TYW1B: variants seen among roughly 807,000 people sequenced by gnomAD.
TYW1B encodes the protein S-adenosyl-L-methionine-dependent tRNA 4-demethylwyosine synthase TYW1B.
TYW1B carries 73 observed loss-of-function variants against 86.9 expected under a neutral mutation model. The ratio of observed to expected loss-of-function variants is 0.84; its 90% CI spans 0.70 to 1.02. The LOEUF (loss-of-function observed/expected upper bound fraction) is 1.02. TYW1B is among the 50% of genes least tolerant of loss of function. The pLI is 0.00. For synonymous variants in TYW1B, 248 were observed against 292.8 expected (o/e 0.85, Z 1.56); for missense variants, 637 against 827.4 (o/e 0.77, Z 2.82).
chr7:72,755,205 T>C (rs1787565333), intron 7 of TYW1B, among the ~76,000 whole-genome samples: 1 of 151,886 alleles, frequency 6.6e-6, no homozygotes, highest in South Asian at 2.1e-4. Context: ...ATCACTTGAG[T>C]GCAGGAGTTC....
At position 72,807,390 on chromosome 7, in the gene TYW1B, G is replaced by T. The variant is rs782490617; in HGVS notation, c.433-34C>A. 9.4e-6 allele frequency: 15 copies of T among 1,591,042 alleles called. 1 individual carries two copies. The South Asian group carries it at 1.6e-4, about 17-fold the overall frequency. ...AAAAGATAGATAGGCTAAAAGCACG[G>T]TTCTCTAAATCAGGGTTTTCCAGAC... On this transcript the variant is annotated intron_variant, in intron 4 of 13. Coordinates refer to ENST00000620995, the MANE Select transcript of TYW1B (RefSeq NM_001145440.3).
intron 13 of TYW1B, among the ~76,000 whole-genome samples, chr7:72,590,053 C>T (rs1554431142): frequency 6.6e-6 from 1 of 152,168 alleles, no homozygotes; most frequent in African/African-American, 2.4e-5. Flanking sequence ...TGGGAAGATG[C>T]TGGAGTAGAA....
chr7:72,750,733 T>A lies in TYW1B; in HGVS notation c.965-6132A>T, dbSNP rs113003344. Among the ~76,000 whole-genome samples, 601 of 152,290 alleles carry A rather than the reference T, an allele frequency of 3.9e-3. 2 individuals are homozygous for A. The highest frequency in any genetic ancestry group is 0.014 in the African/African-American group (566 of 41,564). On this transcript the variant is annotated intron_variant, in intron 7 of 13. Transcript: ENST00000620995. ...TGGATCTCTTACCACAAATTAAGCATCCCTTATCCAAAATGCTTGGGACCA... is the reference window on the plus strand; with the variant it reads ...TGGATCTCTTACCACAAATTAAGCAACCCTTATCCAAAATGCTTGGGACCA...
Position 72,594,279 on chromosome 7 carries a change from A to G in TYW1B, c.1786-18560T>C, listed in dbSNP as rs57275594. Reference sequence around the variant, plus strand: ...AAACCTTTAGCTGGATGAATTTTTAAAAAGAGAGAAATAAGACTTGAATTA... The same window carrying G: ...AAACCTTTAGCTGGATGAATTTTTAGAAAGAGAGAAATAAGACTTGAATTA... On this transcript the variant is annotated intron_variant, in intron 13 of 13. Transcript: ENST00000620995. Among the ~76,000 whole-genome samples the G allele has an allele frequency of 1.0e-3, 153 of 152,182 alleles. 5 individuals carry two copies. The East Asian group carries it at 0.027, about 27-fold the overall frequency.
intron 8 of TYW1B, among the ~76,000 whole-genome samples, chr7:72,735,614 A>G (rs1787183789): frequency 6.6e-6 from 1 of 151,476 alleles, no homozygotes; most frequent in South Asian, 2.1e-4. Context: ...TCAAGCCTGT[A>G]ATCCCAGGAC....
At chr7:72,618,493 G>A (rs1413127617) in intron 12 of TYW1B, among the ~76,000 whole-genome samples, 5 of 152,062 alleles carry the variant, frequency 3.3e-5, no homozygotes, top group Non-Finnish European at 7.3e-5. Context: ...TGGGATTACA[G>A]GTGTGAGCCA....
At chr7:72,694,542 G>T in intron 11 of TYW1B, 145 bp downstream of exon 11, 1 of 1,248,452 alleles carries the variant, frequency 8.0e-7, no homozygotes, top group South Asian at 2.2e-5. Context: ...TCTCTAAAAA[G>T]TTGAACGCTA....
intron 11 of TYW1B, among the ~76,000 whole-genome samples, chr7:72,676,422 C>T (rs1318818403): frequency 2.0e-5 from 3 of 152,166 alleles, no homozygotes; most frequent in Non-Finnish European, 2.9e-5. Flanking sequence ...GACCCAATGT[C>T]TGCTGTACAC....
intron 11 of TYW1B, among the ~76,000 whole-genome samples, chr7:72,681,591 C>CTTTTTT (rs71069098): frequency 1.4e-4 from 16 of 111,020 alleles, no homozygotes; most frequent in East Asian, 5.6e-4. Context: ...ATATTTACTT[C>CTTTTTT]TTTTTTTTTT....
intron 10 of TYW1B, among the ~76,000 whole-genome samples, chr7:72,702,696 G>A (rs1304414697): frequency 6.6e-6 from 1 of 151,882 alleles, no homozygotes; most frequent in African/African-American, 2.4e-5. Context: ...CGAGATACTG[G>A]TTTTCAAGGC....
At chr7:72,632,323 A>AT (rs1563038467) in intron 11 of TYW1B, among the ~76,000 whole-genome samples, 4 of 111,282 alleles carry the variant, frequency 3.6e-5, no homozygotes, top group African/African-American at 1.7e-4. Flanking sequence ...TATATATATT[A>AT]TATATATATA....
At chr7:72,809,400 C>T (rs1305852805) in intron 4 of TYW1B, among the ~76,000 whole-genome samples, 7 of 151,966 alleles carry the variant, frequency 4.6e-5, no homozygotes, top group African/African-American at 1.7e-4. Flanking sequence ...GCCTGTAATC[C>T]CAGAAATTTG....
chr7:72,579,161 G>A (rs1811091454), intron 13 of TYW1B, among the ~76,000 whole-genome samples: 1 of 151,968 alleles, frequency 6.6e-6, no homozygotes, highest in African/African-American at 2.4e-5. Flanking sequence ...AAAACTGCAG[G>A]CAATGCACTT....
At chr7:72,578,939 C>A (rs1401238966) in intron 13 of TYW1B, among the ~76,000 whole-genome samples, 2 of 150,100 alleles carry the variant, frequency 1.3e-5, no homozygotes, top group African/African-American at 5.0e-5. Flanking sequence ...GAAGTCTGAC[C>A]CCTCTGGTTC....
rs782483575 is a variant in TYW1B, at chr7:72,713,706, C to G, written c.1285G>C (p.Glu429Gln). The change falls in exon 10 of 14, where the codon GAG (glutamate) becomes CAG (glutamine). Residue 429 changes from glutamate to glutamine, a missense_variant. Coordinates refer to ENST00000620995, the MANE Select transcript of TYW1B (RefSeq NM_001145440.3). Reference sequence around the variant, plus strand: ...AGTAGCTTCAAAAACCTGTTGATCTCTGGGTACATTATTGGTTCTCCCACG... The same window carrying G: ...AGTAGCTTCAAAAACCTGTTGATCTGTGGGTACATTATTGGTTCTCCCACG... The part of the protein sequence containing the change: ...SLVGEPIMYP[E>Q]INRFLKLLHQ... 20 of 1,613,704 alleles carry G rather than the reference C, an allele frequency of 1.2e-5. No individual in the cohort carries two copies. The highest frequency in any genetic ancestry group is 3.3e-5 in the Admixed American group (2 of 59,890).
rs368759245 is a variant in TYW1B at position 72,657,150 on chromosome 7, A to G, written c.1507-28153T>C. 1.1e-4 allele frequency among the ~76,000 whole-genome samples: 17 copies of G among 152,356 alleles called. No homozygotes were observed. In the South Asian group the frequency reaches 3.5e-3, roughly 32 times the overall value. On this transcript the variant is annotated intron_variant, in intron 11 of 13. Coordinates refer to ENST00000620995, the MANE Select transcript of TYW1B (RefSeq NM_001145440.3). ...AGATCAACAATACAAAGATACAGAT[A>G]TCCTAAAATAGAACCAAATCAGAAA...
intron 12 of TYW1B, among the ~76,000 whole-genome samples, chr7:72,625,400 C>T (rs1289008184): frequency 6.6e-6 from 1 of 152,160 alleles, no homozygotes; most frequent in African/African-American, 2.4e-5. Context: ...AGAAGGACTG[C>T]TTGAGGCCAG....
intron 13 of TYW1B, 57 bp from the exon 14 acceptor site, chr7:72,575,776 T>C: frequency 6.4e-7 from 1 of 1,571,992 alleles, no homozygotes; most frequent in Non-Finnish European, 8.6e-7. Flanking sequence ...AAAAAAAAAA[T>C]GAATGTTTTT....
chr7:72,597,129 C>T lies in TYW1B; in HGVS notation c.1785+19543G>A, dbSNP rs550728961. 3.2e-3 allele frequency among the ~76,000 whole-genome samples: 491 copies of T among 151,826 alleles called. 2 individuals carry two copies. The highest frequency in any genetic ancestry group is 0.014 in the Middle Eastern group (4 of 294). ...CTCCAGATAAATATAAGGCAGACCA[C>T]TACATATGAATAAAATGCAATAAAA... On this transcript the variant is annotated intron_variant, in intron 13 of 13. Coordinates refer to ENST00000620995, the MANE Select transcript of TYW1B (RefSeq NM_001145440.3).
Sources: allele counts gnomAD v4.1 joint callset (sites outside exome capture counted in the v4.1 genomes callset), GRCh38; gene constraint gnomAD v4.1.1; transcripts MANE v1.5; gene names NCBI Gene and HGNC (gene_info 2026-07-23, HGNC 2026-07-21).